DNAH6: variants seen among roughly 807,000 people sequenced by gnomAD.
DNAH6 encodes axonemal beta dynein heavy chain 6.
DNAH6 carries 340 observed loss-of-function variants against 491.4 expected under a neutral mutation model. The observed-to-expected ratio is 0.69, with a 90% CI of 0.63 to 0.76. DNAH6 has a LOEUF of 0.76. DNAH6 is among the 30% of genes least tolerant of loss of function. The pLI is 0.00. For missense variants in DNAH6, 4,443 were observed against 4,972.2 expected (o/e 0.89, Z 3.20); for synonymous variants, 1,603 against 1,686.1 (o/e 0.95, Z 1.21).
At chr2:84,714,800 C>T (rs889451139) in intron 57 of DNAH6, among the ~76,000 whole-genome samples, 2 of 151,378 alleles carry the variant, frequency 1.3e-5, no homozygotes, top group African/African-American at 4.9e-5. Flanking sequence ...TTCCAGGAAC[C>T]TCACGTCAAT....
At chr2:84,690,942 G>A (rs935691780) in intron 45 of DNAH6, among the ~76,000 whole-genome samples, 1 of 152,166 alleles carries the variant, frequency 6.6e-6, no homozygotes, top group Non-Finnish European at 1.5e-5. Context: ...TTAACTCGGG[G>A]GGAAAAATTT....
chr2:84,482,310 T>C, the DNAH6 span, among the ~76,000 whole-genome samples: 2 of 152,180 alleles, frequency 1.3e-5, no homozygotes, highest in African/African-American at 4.8e-5. Flanking sequence ...CCTTGGCAAA[T>C]GTCAGTTCTC....
intron 45 of DNAH6, 44 bp from the exon 46 acceptor site, chr2:84,694,205 A>G (rs1392524888): frequency 2.0e-6 from 3 of 1,517,908 alleles, no homozygotes; most frequent in African/African-American, 2.8e-5. Context: ...AGCAGGAGCC[A>G]TGTCTGTGAA....
At chr2:84,664,605 T>A (rs1162884362) in intron 37 of DNAH6, among the ~76,000 whole-genome samples, 3 of 152,136 alleles carry the variant, frequency 2.0e-5, no homozygotes, top group African/African-American at 7.2e-5. Flanking sequence ...AAGCAAGTCC[T>A]TAGAGACCTA....
intron 49 of DNAH6, 114 bp downstream of exon 49, chr2:84,701,453 TC>T: frequency 9.2e-7 from 1 of 1,090,000 alleles, no homozygotes; most frequent in Non-Finnish European, 1.3e-6. Flanking sequence ...TAGTCCATTC[TC>T]GCACTGCTAT....
At chr2:84,509,472 T>G in the DNAH6 span, among the ~76,000 whole-genome samples, 31 of 152,294 alleles carry the variant, frequency 2.0e-4, no homozygotes, top group African/African-American at 6.7e-4. Flanking sequence ...GTGTGTCTCT[T>G]CACGTGAGAT....
At chr2:84,601,222 G>T (rs1381939665) in intron 18 of DNAH6, among the ~76,000 whole-genome samples, 1 of 79,882 alleles carries the variant, frequency 1.3e-5, no homozygotes, top group Non-Finnish European at 3.1e-5. Context: ...AATGGCCAAA[G>T]CCATAAGAAT....
intron 63 of DNAH6, among the ~76,000 whole-genome samples, chr2:84,755,230 C>T (rs562479068): frequency 1.2e-4 from 19 of 152,150 alleles, no homozygotes; most frequent in Non-Finnish European, 1.5e-4. Context: ...GAATGGGCTT[C>T]TTATAAAAGC....
At chr2:84,485,981 T>C in the DNAH6 span, among the ~76,000 whole-genome samples, 1 of 152,132 alleles carries the variant, frequency 6.6e-6, no homozygotes, top group Non-Finnish European at 1.5e-5. Context: ...TGATTTGATG[T>C]GTCCCCATGT....
chr2:84,798,966 G>A (rs1678612308), intron 70 of DNAH6, among the ~76,000 whole-genome samples: 1 of 151,462 alleles, frequency 6.6e-6, no homozygotes, highest in Admixed American at 6.6e-5. Flanking sequence ...AAGGGAGCTG[G>A]TCACTCCTCT....
the DNAH6 span, among the ~76,000 whole-genome samples, chr2:84,479,921 A>G: frequency 6.6e-6 from 1 of 152,208 alleles, no homozygotes; most frequent in Non-Finnish European, 1.5e-5. Flanking sequence ...TAAGGCTGTA[A>G]TAGTTGCCTT....
At chr2:84,723,312 A>G (rs1332630165) in intron 60 of DNAH6, among the ~76,000 whole-genome samples, 3 of 152,040 alleles carry the variant, frequency 2.0e-5, no homozygotes, top group Admixed American at 6.5e-5. Context: ...ATTATTATAT[A>G]TATATATAAA....
chr2:84,495,987 A>G, the DNAH6 span, among the ~76,000 whole-genome samples: 2 of 152,296 alleles, frequency 1.3e-5, no homozygotes, highest in East Asian at 1.9e-4. Flanking sequence ...CTGAAGAGAC[A>G]TTAACTCCCG....
intron 10 of DNAH6, among the ~76,000 whole-genome samples, chr2:84,554,397 G>A (rs555724773): frequency 2.0e-5 from 3 of 152,142 alleles, no homozygotes; most frequent in African/African-American, 7.2e-5. Context: ...AATTTTGGGG[G>A]TCATCTTAGA....
Position 84,528,956 on chromosome 2 carries a change from A to T in DNAH6, c.452A>T (p.His151Leu), listed in dbSNP as rs191347930. 51 of 1,550,698 alleles carry T rather than the reference A, an allele frequency of 3.3e-5. No homozygotes were observed. The highest frequency in any genetic ancestry group is 4.4e-5 in the Non-Finnish European group (50 of 1,146,616). Residue 151 changes from histidine (H) to leucine (L), a missense_variant, in exon 4 of 77, where the codon CAT (histidine) becomes CTT (leucine). His to Leu is a moderately conservative substitution (Grantham distance 99). Transcript: ENST00000389394. ...TCTCCCTCTCCTCCTAAACTGCCAC[A>T]TACTGGTATTGGAAAAAGAGGTCTC... Reference protein sequence around the residue: ...VFSPSPPKLPHTGIGKRGLFG... With the variant: ...VFSPSPPKLPLTGIGKRGLFG...
chr2:84,629,807 C>T (rs987697249), intron 29 of DNAH6, among the ~76,000 whole-genome samples: 18 of 152,094 alleles, frequency 1.2e-4, no homozygotes, highest in African/African-American at 4.3e-4. Context: ...AATGAGCCTG[C>T]AACATCCTGT....
At chr2:84,545,903 A>G (rs1490609150) in intron 5 of DNAH6, among the ~76,000 whole-genome samples, 2 of 152,184 alleles carry the variant, frequency 1.3e-5, no homozygotes. Context: ...CCCTTATAAC[A>G]GTTTTGATAT....
intron 64 of DNAH6, among the ~76,000 whole-genome samples, chr2:84,770,819 C>CA (rs143959664): frequency 0.11 from 15,967 of 151,668 alleles, 1,052 homozygotes; most frequent in Middle Eastern, 0.16. Flanking sequence ...CCTGCCTCTA[C>CA]AAAAAATAAT....
chr2:84,538,202 C>A (rs1309261221), intron 4 of DNAH6, among the ~76,000 whole-genome samples: 1 of 152,068 alleles, frequency 6.6e-6, no homozygotes, highest in Non-Finnish European at 1.5e-5. Context: ...GCATTTGTGT[C>A]ACACACACTG....
Sources: allele counts gnomAD v4.1 joint callset (sites outside exome capture counted in the v4.1 genomes callset), GRCh38; gene constraint gnomAD v4.1.1; transcripts MANE v1.5; gene names NCBI Gene and HGNC (gene_info 2026-07-23, HGNC 2026-07-21).